The following DMD variants were observed in gnomAD, a reference collection of about 807,000 sequenced individuals.
DMD encodes dystrophin, also known as mutant dystrophin.
Under a neutral mutation model 330.1 loss-of-function variants are expected in DMD, and 63 were observed. The observed-to-expected ratio is 0.19, with a 90% CI of 0.16 to 0.24. The LOEUF is 0.24. Among genes scored for constraint, DMD ranks in the 10% least tolerant of loss-of-function variants. The pLI is 1.00. For missense variants in DMD, 3,344 were observed against 2,684.1 expected (o/e 1.25, Z -5.43); for synonymous variants, 1,223 against 959.8 (o/e 1.27, Z -5.07).
At chrX:32,230,984 C>T (rs2097167182) in intron 43 of DMD, among the ~76,000 whole-genome samples, 1 of 112,030 alleles carries the variant, frequency 8.9e-6, no homozygotes, top group Non-Finnish European at 1.9e-5. Flanking sequence ...ATATGTATAA[C>T]TGATTTTATA....
chrX:32,654,287 T>G, intron 9 of DMD, among the ~76,000 whole-genome samples: 1 of 111,874 alleles, frequency 8.9e-6, no homozygotes, highest in Non-Finnish European at 1.9e-5. Context: ...GGCTGTGGGT[T>G]TGTCATACAT....
intron 44 of DMD, among the ~76,000 whole-genome samples, chrX:32,008,975 C>G (rs1330892231): frequency 9.0e-6 from 1 of 111,432 alleles, no homozygotes; most frequent in South Asian, 3.8e-4. Flanking sequence ...GCCACTGATA[C>G]GTTTTGAGCT....
intron 41 of DMD, among the ~76,000 whole-genome samples, chrX:32,320,096 T>C (rs1029525845): frequency 6.3e-5 from 7 of 110,878 alleles, no homozygotes; most frequent in Non-Finnish European, 1.9e-5. Context: ...AATACTGCAG[T>C]TATATTTCAC....
chrX:31,631,641 C>T (rs781321122), intron 54 of DMD, among the ~76,000 whole-genome samples: 1 of 111,629 alleles, frequency 9.0e-6, no homozygotes, highest in Non-Finnish European at 1.9e-5. Context: ...CCTCCGCTCA[C>T]AGGTGTTAAT....
At chrX:33,106,291 G>T (rs2095287066) in intron 1 of DMD, among the ~76,000 whole-genome samples, 1 of 110,452 alleles carries the variant, frequency 9.1e-6, no homozygotes, top group Admixed American at 9.8e-5. Context: ...AGTGGAGGGG[G>T]TGGGAATGAG....
At chrX:31,690,981 C>T (rs750470301) in intron 52 of DMD, among the ~76,000 whole-genome samples, 3 of 108,095 alleles carry the variant, frequency 2.8e-5, no homozygotes, top group African/African-American at 1.0e-4. Context: ...GGTGAGGGGA[C>T]GGGGGAGGGA....
rs1556500804 is a variant in DMD, at chrX:31,321,607, A to AAGAAAG, written c.9224+1990_9224+1991insCTTTCT. Among the ~76,000 whole-genome samples, 658 of 89,246 alleles carry AAGAAAG rather than the reference A, an allele frequency of 7.4e-3. 27 individuals carry two copies. Among genetic ancestry groups the AAGAAAG allele is most frequent in the African/African-American group, 0.037 (623 of 16,958 alleles). 77.5% of individuals were successfully genotyped at this position (89,246 alleles called of 115,157 possible). A position where few individuals can be genotyped will look rare whatever the true frequency, so the allele number is the denominator to read the frequency against. On this transcript the variant is annotated intron_variant, in intron 62 of 78. Coordinates refer to ENST00000357033, the MANE Select transcript of DMD (RefSeq NM_004006.3). ...TCAAAAAAAAAAAAAAAAAAAAAAA[A>AAGAAAG]AAAGAAAGAAACCAAGATTTTTATA...
intron 55 of DMD, among the ~76,000 whole-genome samples, chrX:31,522,363 C>CTCTCTCTCTCTCTCTCTCTCTA: frequency 8.3e-5 from 3 of 35,962 alleles, no homozygotes; most frequent in African/African-American, 3.8e-4. Context: ...CTCTCTCTCT[C>CTCTCTCTCTCTCTCTCTCTCTA]TATATATATA....
intron 52 of DMD, among the ~76,000 whole-genome samples, chrX:31,705,898 G>C (rs973822264): frequency 3.6e-5 from 4 of 111,841 alleles, no homozygotes; most frequent in Admixed American, 9.5e-5. Context: ...CAAGGGCAAA[G>C]CCTTGGGAAT....
intron 1 of DMD, among the ~76,000 whole-genome samples, chrX:33,218,899 A>C (rs777710057): frequency 9.0e-6 from 1 of 111,411 alleles, no homozygotes; most frequent in East Asian, 2.8e-4. Context: ...GAGACCATTT[A>C]TTGAACTTTT....
At chrX:32,871,091 G>T (rs1603451258) in intron 2 of DMD, among the ~76,000 whole-genome samples, 1 of 107,364 alleles carries the variant, frequency 9.3e-6, no homozygotes, top group South Asian at 4.2e-4. Context: ...CGTAAGCTTC[G>T]ACCTCAGCCT....
At chrX:32,432,969 A>G (rs1279131305) in intron 29 of DMD, among the ~76,000 whole-genome samples, 4 of 112,125 alleles carry the variant, frequency 3.6e-5, no homozygotes, top group Non-Finnish European at 5.6e-5. Flanking sequence ...TTGCTATTTC[A>G]TGTCAGGCAT....
chrX:32,337,284 A>C (rs2097720154), intron 41 of DMD, among the ~76,000 whole-genome samples: 1 of 110,052 alleles, frequency 9.1e-6, no homozygotes, highest in Non-Finnish European at 1.9e-5. Flanking sequence ...TAACATCTGG[A>C]GATGTTGGTA....
At chrX:31,246,649 C>T (rs2048852349) in intron 63 of DMD, among the ~76,000 whole-genome samples, 1 of 112,078 alleles carries the variant, frequency 8.9e-6, no homozygotes, top group Non-Finnish European at 1.9e-5. Flanking sequence ...GAAATCAGGC[C>T]GGGCACAGTG....
chrX:32,737,343 C>T (rs1012509593), intron 7 of DMD, among the ~76,000 whole-genome samples: 2 of 111,133 alleles, frequency 1.8e-5, no homozygotes, highest in Non-Finnish European at 3.8e-5. Flanking sequence ...GAAAGGAAAG[C>T]TTTTTCTATG....
At chrX:32,723,157 A>ACC (rs2066502398) in intron 7 of DMD, among the ~76,000 whole-genome samples, 2 of 111,647 alleles carry the variant, frequency 1.8e-5, no homozygotes, top group Admixed American at 1.9e-4. Context: ...GTTTAGCTTT[A>ACC]TCAAATGCTT....
At chrX:33,235,705 T>C (rs757062524) in intron 1 of DMD, among the ~76,000 whole-genome samples, 35 of 109,837 alleles carry the variant, frequency 3.2e-4, no homozygotes, top group African/African-American at 9.6e-4. Context: ...GTCACACAGC[T>C]AGTCAATGGT....
At chrX:31,214,825 G>A (rs1347350093) in intron 64 of DMD, among the ~76,000 whole-genome samples, 2 of 110,110 alleles carry the variant, frequency 1.8e-5, no homozygotes, top group East Asian at 5.6e-4. Context: ...ATTGTGTGGT[G>A]TGTGTGTGTA....
At chrX:32,638,296 G>A in intron 11 of DMD, among the ~76,000 whole-genome samples, 1 of 111,388 alleles carries the variant, frequency 9.0e-6, no homozygotes, top group Non-Finnish European at 1.9e-5. Flanking sequence ...ACCATTTTTA[G>A]AGCTCCTGAG....
Sources: allele counts gnomAD v4.1 joint callset (sites outside exome capture counted in the v4.1 genomes callset), GRCh38; gene constraint gnomAD v4.1.1; transcripts MANE v1.5; gene names NCBI Gene and HGNC (gene_info 2026-07-23, HGNC 2026-07-21).